The following SNX31 variants were observed in gnomAD, a reference collection of about 807,000 sequenced individuals.
SNX31 encodes sorting nexin 31, also known as sorting nexin-31.
A neutral mutation model predicts 65.4 loss-of-function variants in SNX31; 58 were observed. That is an observed-to-expected ratio of 0.89 (90% CI 0.72 to 1.10). The LOEUF is 1.10. Ranked by LOEUF, SNX31 falls within the 50% of genes least tolerant of loss-of-function variation. The pLI, the probability that SNX31 is intolerant of heterozygous loss-of-function variation, is 0.00. For synonymous variants in SNX31, 181 were observed against 190.1 expected (o/e 0.95, Z 0.39); for missense variants, 523 against 529.7 (o/e 0.99, Z 0.12).
chr8:100,607,856 T>A (rs2509759), intron 8 of SNX31, among the ~76,000 whole-genome samples: 101,337 of 152,158 alleles, frequency 0.67, 35,282 homozygotes, highest in African/African-American at 0.87. Flanking sequence ...GAATTTCAAG[T>A]TGGTAACCGC....
chr8:100,636,213 T>G (rs1818763116), intron 2 of SNX31, among the ~76,000 whole-genome samples: 1 of 152,236 alleles, frequency 6.6e-6, no homozygotes, highest in Admixed American at 6.5e-5. Flanking sequence ...GAGACATTAC[T>G]AGACATATCA....
In SNX31 at chr8:100,573,819, G is replaced by T; in HGVS notation, c.*46C>A. The T allele has an allele frequency of 7.3e-7, 1 of 1,362,792 alleles. No individual in the cohort carries two copies. Among genetic ancestry groups the T allele is most frequent in the Non-Finnish European group, 1.0e-6 (1 of 984,284 alleles). The allele number at this position is 1,362,792 out of a possible 1,614,324, so 84.4% of individuals were successfully genotyped here. A position where few individuals can be genotyped will look rare whatever the true frequency, so the allele number is the denominator to read the frequency against. ...ACCTGAATCCCCAAGTTCTTTCACT[G>T]TCTTGAGATAGCCTCCAAGGATATT... is the stretch of plus-strand genomic sequence containing the variant. On this transcript the variant is annotated 3_prime_UTR_variant, in exon 14 of 14. Coordinates refer to ENST00000311812, the MANE Select transcript of SNX31 (RefSeq NM_152628.4).
rs1404392796 is a variant in SNX31 at position 100,648,589 on chromosome 8, C to T, written c.141+685G>A. Among the ~76,000 whole-genome samples, 1 of 152,114 alleles carries T rather than the reference C, an allele frequency of 6.6e-6. No homozygotes were observed. The highest frequency in any genetic ancestry group is 1.5e-5 in the Non-Finnish European group (1 of 68,022). ...AAGTTTATTTCTAAACTTTCATTTACTTCTCTAATCCATTTTGAAGACTTA... is the reference window on the plus strand; with the variant it reads ...AAGTTTATTTCTAAACTTTCATTTATTTCTCTAATCCATTTTGAAGACTTA... On this transcript the variant is annotated intron_variant, in intron 2 of 13. Transcript: ENST00000311812. The surrounding 1 kb of genome is among the most constrained non-coding windows in gnomAD (Gnocchi z 4.3).
At chr8:100,631,179 T>C (rs1818388983) in intron 3 of SNX31, among the ~76,000 whole-genome samples, 1 of 152,256 alleles carries the variant, frequency 6.6e-6, no homozygotes, top group African/African-American at 2.4e-5. Context: ...TATTTCATTC[T>C]TCTATAATTA....
intron 2 of SNX31, among the ~76,000 whole-genome samples, chr8:100,640,130 CTTTTCTTTTT>C (rs939362728): frequency 1.3e-5 from 2 of 151,990 alleles, no homozygotes; most frequent in African/African-American, 2.4e-5. Context: ...CTTTTCTTTT[CTTTTCTTTTT>C]TTTGGAGACA....
At chr8:100,607,725 A>G (rs1816303133) in intron 8 of SNX31, among the ~76,000 whole-genome samples, 1 of 152,228 alleles carries the variant, frequency 6.6e-6, no homozygotes, top group Non-Finnish European at 1.5e-5. Context: ...CCCTGATGGG[A>G]TTATTACACA....
Position 100,630,479 on chromosome 8 carries a change from GC to G in SNX31, c.257-89del. ...CTATGTCCTCCAGAGATCCCTCCATGCCTTGCCAGTGCTCTGTCTCCTCCCT... is the reference window on the plus strand; with the variant it reads ...CTATGTCCTCCAGAGATCCCTCCATGCTTGCCAGTGCTCTGTCTCCTCCCT... On this transcript the variant is annotated intron_variant, in intron 3 of 13. Transcript: ENST00000311812. This position sits in a 1 kb window ranked among gnomAD's most constrained non-coding sequence, Gnocchi z 5.3. 1 of 1,064,482 alleles carries G rather than the reference GC, an allele frequency of 9.4e-7. No individual in the cohort carries two copies. Among genetic ancestry groups the G allele is most frequent in the Non-Finnish European group, 1.4e-6 (1 of 727,850 alleles). 65.9% of individuals were successfully genotyped at this position (1,064,482 alleles called of 1,614,324 possible).
At chr8:100,635,039 T>A (rs7006925) in intron 3 of SNX31, among the ~76,000 whole-genome samples, 23,631 of 151,824 alleles carry the variant, frequency 0.16, 2,106 homozygotes, top group South Asian at 0.25. Flanking sequence ...TACTCCAGCC[T>A]CGTCAACAGG....
intron 2 of SNX31, among the ~76,000 whole-genome samples, chr8:100,639,246 G>A (rs912032533): frequency 2.0e-5 from 3 of 152,210 alleles, no homozygotes; most frequent in Non-Finnish European, 2.9e-5. Context: ...TGGGGAATCC[G>A]AGGATGGAAT....
chr8:100,600,327 C>G (rs373554537), intron 9 of SNX31, 22 bp downstream of exon 9: 17 of 1,595,376 alleles, frequency 1.1e-5, no homozygotes, highest in Non-Finnish European at 1.4e-5. Flanking sequence ...AGGGATTTCT[C>G]TTGGAGCAAT....
chr8:100,578,924 G>A lies in SNX31; in HGVS notation c.1171-1849C>T, dbSNP rs1015975027. 1.3e-5 allele frequency among the ~76,000 whole-genome samples: 2 copies of A among 151,990 alleles called. No homozygotes were observed. The highest frequency in any genetic ancestry group is 3.8e-4 in the East Asian group (2 of 5,196). ...TTTGGTAGAGATGGGGTTTCACCAT[G>A]TTGGCCAGGCTGGTCTCAAACTCCT... On this transcript the variant is annotated intron_variant, in intron 12 of 13. Transcript: ENST00000311812. The surrounding 1 kb of genome is among the most constrained non-coding windows in gnomAD (Gnocchi z 4.7).
intron 1 of SNX31, among the ~76,000 whole-genome samples, chr8:100,657,409 G>T (rs374819355): frequency 2.6e-4 from 38 of 148,680 alleles, no homozygotes; most frequent in South Asian, 6.4e-4. Context: ...CCAAGATCGC[G>T]CCATTGTGCT....
rs1329267927 is a variant in SNX31, at chr8:100,604,673, T to C, written c.681+3821A>G. On this transcript the variant is annotated intron_variant, in intron 8 of 13. Coordinates refer to ENST00000311812, the MANE Select transcript of SNX31 (RefSeq NM_152628.4). This position sits in a 1 kb window ranked among gnomAD's most constrained non-coding sequence, Gnocchi z 4.3. Reference sequence around the variant, plus strand: ...CTGAGCCTTCAAAATGTATACTTACTTATAGTTTTAAATGCAATCTCTCAT... The same window carrying C: ...CTGAGCCTTCAAAATGTATACTTACCTATAGTTTTAAATGCAATCTCTCAT... Among the ~76,000 whole-genome samples, 1 of 152,276 alleles carries C rather than the reference T, an allele frequency of 6.6e-6. No individual in the cohort carries two copies. The highest frequency in any genetic ancestry group is 1.5e-5 in the Non-Finnish European group (1 of 68,048).
intron 1 of SNX31, among the ~76,000 whole-genome samples, chr8:100,656,054 T>G (rs550211578): frequency 1.3e-5 from 2 of 152,296 alleles, no homozygotes; most frequent in South Asian, 4.1e-4. Context: ...CACAAAGTGC[T>G]TTAGTGTATG....
At chr8:100,635,504 G>A (rs1017010524) in intron 3 of SNX31, among the ~76,000 whole-genome samples, 2 of 149,382 alleles carry the variant, frequency 1.3e-5, no homozygotes, top group African/African-American at 2.5e-5. Context: ...GCTTCCCAAA[G>A]TGCTGAGATT....
At chr8:100,617,053 G>A (rs1817271579) in intron 5 of SNX31, among the ~76,000 whole-genome samples, 1 of 152,214 alleles carries the variant, frequency 6.6e-6, no homozygotes, top group South Asian at 2.1e-4. Flanking sequence ...AAGGGGTCTG[G>A]GAGGCAGAGC....
At chr8:100,639,060 A>C (rs10955233) in intron 2 of SNX31, among the ~76,000 whole-genome samples, 4 of 151,524 alleles carry the variant, frequency 2.6e-5, no homozygotes, top group Non-Finnish European at 5.9e-5. Context: ...AGGGAGGTAC[A>C]GAATAACTGA....
chr8:100,652,230 G>A (rs540964610), upstream of SNX31, among the ~76,000 whole-genome samples: 3 of 152,240 alleles, frequency 2.0e-5, no homozygotes, highest in Non-Finnish European at 4.4e-5. Context: ...TACCCGCCTC[G>A]GCCTCCCAAA....
intron 2 of SNX31, among the ~76,000 whole-genome samples, chr8:100,647,668 G>GA (rs1819730118): frequency 1.3e-5 from 2 of 152,194 alleles, no homozygotes; most frequent in Non-Finnish European, 2.9e-5. Flanking sequence ...TTTCTGATGA[G>GA]AAAATTGAAG....
Sources: gnomAD v4.1 joint callset for allele counts (sites outside exome capture counted in the v4.1 genomes callset) on GRCh38, gnomAD v4.1.1 for gene constraint, Gnocchi (gnomAD v3.1) non-coding constraint, MANE v1.5 for transcripts, NCBI Gene and HGNC (gene_info 2026-07-23, HGNC 2026-07-21) for gene names.